Variants in DNAJC5 observed in about 807,000 individuals in gnomAD.
The protein encoded by DNAJC5 is dnaJ homolog subfamily C member 5.
A neutral mutation model predicts 23.2 loss-of-function variants in DNAJC5; 1 was observed. The ratio of observed to expected loss-of-function variants is 0.04; its 90% confidence interval spans 0.02 to 0.20. The LOEUF is 0.20. DNAJC5 is among the 10% of genes least tolerant of loss of function. The pLI is 1.00. For missense variants in DNAJC5, 180 were observed against 267.0 expected, an observed-to-expected ratio of 0.67 and a Z score of 2.27; for synonymous variants, 136 against 120.0, an observed-to-expected ratio of 1.13 and a Z score of -0.87.
At chr20:63,906,626 T>A (rs1419399466) in intron 1 of DNAJC5, among the ~76,000 whole-genome samples, 1 of 150,248 alleles carries the variant, frequency 6.7e-6, no homozygotes, top group African/African-American at 2.5e-5. Context: ...CTACTAAAAA[T>A]ACAAAAAAAG....
chr20:63,909,442 G>T (rs2053468222), intron 1 of DNAJC5, among the ~76,000 whole-genome samples: 1 of 152,192 alleles, frequency 6.6e-6, no homozygotes, highest in African/African-American at 2.4e-5. Flanking sequence ...GGCGGAGCTT[G>T]CAGTGAGCCG....
chr20:63,929,483 G>C lies in DNAJC5; in HGVS notation c.279G>C (p.Glu93Asp). Residue 93 changes from glutamate to aspartate, a missense_variant, in exon 3 of 5, where the codon GAG (glutamate) becomes GAC (aspartate). This residue lies in a region of DNAJC5 where 6 missense variants were observed against 36.8 expected (regional missense o/e 0.16). Coordinates refer to ENST00000360864, the MANE Select transcript of DNAJC5 (RefSeq NM_025219.3). This position sits in a 1 kb window ranked among gnomAD's most constrained non-coding sequence, Gnocchi z 8.6. ...GLYVAEQFGE[E>D]NVNTYFVLSS... The stretch of plus-strand genomic sequence containing the variant: ...ACGTGGCCGAGCAGTTTGGGGAAGA[G>C]AACGTGAACACCTACTTCGTGCTGT... 6.2e-7 allele frequency: 1 copy of C among 1,614,176 alleles called. No individual in the cohort carries two copies. The highest frequency in any genetic ancestry group is 8.5e-7 in the Non-Finnish European group (1 of 1,180,040).
At chr20:63,924,079 GTAGA>G (rs1396896111) in intron 1 of DNAJC5, among the ~76,000 whole-genome samples, 1 of 152,064 alleles carries the variant, frequency 6.6e-6, no homozygotes, top group Non-Finnish European at 1.5e-5. Flanking sequence ...CTTGATTACT[GTAGA>G]TATATAGTAT....
chr20:63,931,069 G>T lies in DNAJC5; in HGVS notation c.493+47G>T. 1 of 1,591,188 alleles carries T rather than the reference G, an allele frequency of 6.3e-7. No homozygotes were observed. Among genetic ancestry groups the T allele is most frequent in the South Asian group, 1.1e-5 (1 of 90,406 alleles). ...CGTGTGTGTGTGTGGGGCAGAGCCA[G>T]AATGGGCCCTGAATGGTGTCAACCT... is the stretch of plus-strand genomic sequence containing the variant. On this transcript the variant is annotated intron_variant, in intron 4 of 4. Transcript: ENST00000360864. The surrounding 1 kb of genome is among the most constrained non-coding windows in gnomAD (Gnocchi z 9.6).
intron 1 of DNAJC5, among the ~76,000 whole-genome samples, chr20:63,924,512 T>C (rs569729868): frequency 6.6e-6 from 1 of 152,292 alleles, no homozygotes; most frequent in African/African-American, 2.4e-5. Flanking sequence ...CAACCTCCTG[T>C]GTCACTAGGA....
chr20:63,922,629 G>T (rs1230400202), intron 1 of DNAJC5, among the ~76,000 whole-genome samples: 9 of 152,088 alleles, frequency 5.9e-5, no homozygotes, highest in African/African-American at 1.9e-4. Context: ...AACTTAGCTG[G>T]CATGGTGGCT....
intron 1 of DNAJC5, among the ~76,000 whole-genome samples, chr20:63,913,600 G>A (rs2053497273): frequency 6.6e-6 from 1 of 151,940 alleles, no homozygotes; most frequent in Non-Finnish European, 1.5e-5. Context: ...TGTTGAGACA[G>A]GGTCTCTTTG....
At chr20:63,895,494 C>G (rs1217638546) in intron 1 of DNAJC5, among the ~76,000 whole-genome samples, 171 bp downstream of exon 1, 1 of 147,002 alleles carries the variant, frequency 6.8e-6, no homozygotes, top group East Asian at 1.9e-4. Context: ...ACGCCGCGGC[C>G]TGGGCCGGGG....
intron 1 of DNAJC5, among the ~76,000 whole-genome samples, chr20:63,921,073 C>T (rs1291025476): frequency 2.6e-5 from 4 of 152,142 alleles, no homozygotes; most frequent in African/African-American, 9.7e-5. Flanking sequence ...GATTCTTCTA[C>T]CTCAGCCTCC....
In DNAJC5 at chr20:63,896,074, G is replaced by A. The variant is rs180677156; in HGVS notation, c.-12+751G>A. On this transcript the variant is annotated intron_variant, in intron 1 of 4. Coordinates refer to ENST00000360864, the MANE Select transcript of DNAJC5 (RefSeq NM_025219.3). ...AATTTCAGCTTTATTTTTGTTTTCC[G>A]GCTTAGGCTTGGTTGGGAAGATTTG... Among the ~76,000 whole-genome samples, 231 of 152,186 alleles carry A rather than the reference G, an allele frequency of 1.5e-3. 1 individual carries two copies. Among genetic ancestry groups the A allele is most frequent in the Admixed American group, 4.6e-3 (70 of 15,288 alleles).
intron 1 of DNAJC5, chr20:63,908,958 C>G (rs1387997849): frequency 6.6e-6 from 1 of 151,254 alleles, no homozygotes; most frequent in African/African-American, 2.4e-5. Flanking sequence ...AAAAATCATA[C>G]TTACCCGGCA....
chr20:63,928,191 C>T lies in DNAJC5; in HGVS notation c.-11-144C>T, dbSNP rs888857522. 1.9e-5 allele frequency: 13 copies of T among 685,288 alleles called. No homozygotes were observed. The highest frequency in any genetic ancestry group is 1.6e-5 in the South Asian group (1 of 63,380). 42.5% of individuals were successfully genotyped at this position (685,288 alleles called of 1,614,324 possible). A position where few individuals can be genotyped will look rare whatever the true frequency, so the allele number is the denominator to read the frequency against. Reference sequence around the variant, plus strand: ...CGTCTCACACTTCTCCATGCCATGGCGTCTGTCTGTGCACGTGGCAAACTC... The same window carrying T: ...CGTCTCACACTTCTCCATGCCATGGTGTCTGTCTGTGCACGTGGCAAACTC... On this transcript the variant is annotated intron_variant, in intron 1 of 4. Coordinates refer to ENST00000360864, the MANE Select transcript of DNAJC5 (RefSeq NM_025219.3). The surrounding 1 kb of genome is among the most constrained non-coding windows in gnomAD (Gnocchi z 4.6).
chr20:63,911,226 G>T (rs2053480997), intron 1 of DNAJC5, among the ~76,000 whole-genome samples: 1 of 152,186 alleles, frequency 6.6e-6, no homozygotes, highest in Non-Finnish European at 1.5e-5. Flanking sequence ...TTTCTCTGTA[G>T]CTAATCATAC....
At position 63,920,557 on chromosome 20, in the gene DNAJC5, G is replaced by A. The variant is rs1252827647; in HGVS notation, c.-11-7778G>A. On this transcript the variant is annotated intron_variant, in intron 1 of 4. Coordinates refer to ENST00000360864, the MANE Select transcript of DNAJC5 (RefSeq NM_025219.3). The surrounding 1 kb of genome is among the most constrained non-coding windows in gnomAD (Gnocchi z 4.6). ...TCAGAAGCTCAGCGTCCCTGCACGTGTGCGGTCTTGTCTGCCTAGGCATGT... is the reference window on the plus strand; with the variant it reads ...TCAGAAGCTCAGCGTCCCTGCACGTATGCGGTCTTGTCTGCCTAGGCATGT... Among the ~76,000 whole-genome samples the A allele has an allele frequency of 6.6e-6, 1 of 152,272 alleles. No homozygotes were observed. Among genetic ancestry groups the A allele is most frequent in the Non-Finnish European group, 1.5e-5 (1 of 68,044 alleles).
intron 1 of DNAJC5, among the ~76,000 whole-genome samples, chr20:63,899,450 C>T (rs1426342061): frequency 6.6e-6 from 1 of 152,194 alleles, no homozygotes; most frequent in Non-Finnish European, 1.5e-5. Context: ...GAAGTGTGTT[C>T]TGCTTTATTC....
chr20:63,914,602 C>T (rs929982361), intron 1 of DNAJC5, among the ~76,000 whole-genome samples: 1 of 148,818 alleles, frequency 6.7e-6, no homozygotes, highest in Non-Finnish European at 1.5e-5. Flanking sequence ...CAGGCATGAA[C>T]CACCGTGCCC....
chr20:63,899,824 G>T (rs529472715), intron 1 of DNAJC5, among the ~76,000 whole-genome samples: 1 of 149,466 alleles, frequency 6.7e-6, no homozygotes, highest in Non-Finnish European at 1.5e-5. Flanking sequence ...CTTGTGATCC[G>T]CCCATCTTGG....
intron 1 of DNAJC5, among the ~76,000 whole-genome samples, chr20:63,900,576 CAAAAAAA>C (rs752326573): frequency 4.6e-5 from 3 of 65,270 alleles, no homozygotes; most frequent in African/African-American, 1.3e-4. Context: ...GACACTGTCT[CAAAAAAA>C]AAAAAAAAAA....
intron 1 of DNAJC5, among the ~76,000 whole-genome samples, chr20:63,899,575 G>A (rs1432624811): frequency 6.6e-6 from 1 of 152,182 alleles, no homozygotes; most frequent in Non-Finnish European, 1.5e-5. Flanking sequence ...AATTAGGACA[G>A]CATTTCATTT....
Sources: gnomAD v4.1 joint callset for allele counts (sites outside exome capture counted in the v4.1 genomes callset) on GRCh38, gnomAD v4.1.1 for gene constraint, gnomAD v4.1.1 regional missense constraint, Gnocchi (gnomAD v3.1) non-coding constraint, MANE v1.5 for transcripts, NCBI Gene and HGNC (gene_info 2026-07-23, HGNC 2026-07-21) for gene names.